The following CDC45 variants were observed in gnomAD, a reference collection of about 807,000 sequenced individuals.
The protein encoded by CDC45 is cell division cycle 45, also known as cell division control protein 45 homolog.
A neutral mutation model predicts 77.8 loss-of-function variants in CDC45; 54 were observed. The observed-to-expected ratio is 0.69, with a 90% confidence interval of 0.56 to 0.87. CDC45 has a LOEUF of 0.87. Among genes scored for constraint, CDC45 ranks in the 40% least tolerant of loss-of-function variants. The probability of loss-of-function intolerance (pLI) is 0.00; values close to 1 mark genes in which losing one functional copy is unlikely to be tolerated. For missense variants in CDC45, 649 were observed against 721.6 expected (o/e 0.90, Z 1.15); for synonymous variants, 260 against 272.1 (o/e 0.96, Z 0.44).
At chr22:19,500,668 T>C (rs933307548) in intron 9 of CDC45, among the ~76,000 whole-genome samples, 2 of 152,062 alleles carry the variant, frequency 1.3e-5, no homozygotes, top group Admixed American at 6.6e-5. Flanking sequence ...ACATCCCCCT[T>C]GCCCCACCAA....
chr22:19,513,166 G>A (rs1487910013), intron 13 of CDC45, among the ~76,000 whole-genome samples: 1 of 152,192 alleles, frequency 6.6e-6, no homozygotes, highest in Admixed American at 6.5e-5. Flanking sequence ...TCAACATGAG[G>A]TTTTGAGGGG....
intron 4 of CDC45, 79 bp downstream of exon 4, chr22:19,482,906 G>T: frequency 1.5e-6 from 2 of 1,338,238 alleles, no homozygotes; most frequent in Non-Finnish European, 1.1e-6. Context: ...TCTTGGTAAG[G>T]TGTGTGTCTG....
At chr22:19,512,474 T>C (rs1389612911) in intron 13 of CDC45, among the ~76,000 whole-genome samples, 1 of 152,218 alleles carries the variant, frequency 6.6e-6, no homozygotes, top group Non-Finnish European at 1.5e-5. Flanking sequence ...TTGTTGCAAA[T>C]GTGGGTCCTA....
intron 7 of CDC45, 108 bp downstream of exon 7, chr22:19,496,137 A>G: frequency 1.3e-6 from 1 of 791,618 alleles, no homozygotes. Context: ...CCTGGTTTGA[A>G]TCTGAGCTCC....
intron 7 of CDC45, 131 bp from the exon 8 acceptor site, chr22:19,497,255 C>T (rs2090259045): frequency 1.2e-5 from 9 of 753,504 alleles, no homozygotes; most frequent in Non-Finnish European, 2.1e-5. Context: ...CACCCACATG[C>T]CCTGGCCAGG....
rs529765997 is a variant in CDC45, at chr22:19,483,004, C to T, written c.342+177C>T. 5.3e-5 allele frequency among the ~76,000 whole-genome samples: 8 copies of T among 150,668 alleles called. No individual in the cohort carries two copies. In the South Asian group the frequency reaches 1.7e-3, roughly 32 times the overall value. Reference sequence around the variant, plus strand: ...TTTTTTTTAAGGAGAGTCTGGAGTACACTGGCACAATCATGGCTCACTGCA... The same window carrying T: ...TTTTTTTTAAGGAGAGTCTGGAGTATACTGGCACAATCATGGCTCACTGCA... On this transcript the variant is annotated intron_variant, in intron 4 of 18. Coordinates refer to ENST00000263201, the MANE Select transcript of CDC45 (RefSeq NM_003504.5).
At chr22:19,510,313 A>G (rs1365908449) in intron 13 of CDC45, among the ~76,000 whole-genome samples, 1 of 152,066 alleles carries the variant, frequency 6.6e-6, no homozygotes, top group Admixed American at 6.6e-5. Flanking sequence ...TGCAGCAATC[A>G]CCACTATCTA....
At chr22:19,517,652 C>A (rs1037053275) in intron 17 of CDC45, among the ~76,000 whole-genome samples, 1 of 152,140 alleles carries the variant, frequency 6.6e-6, no homozygotes, top group Non-Finnish European at 1.5e-5. Flanking sequence ...TCTCCTCAGG[C>A]CTCTCTCCTT....
At chr22:19,507,004 C>T (rs1006228734) in intron 10 of CDC45, among the ~76,000 whole-genome samples, 7 of 152,038 alleles carry the variant, frequency 4.6e-5, no homozygotes, top group East Asian at 1.9e-4. Flanking sequence ...GAGGGCTCTC[C>T]GGAGGAATGG....
At chr22:19,480,093 C>A in intron 1 of CDC45, 65 bp from the exon 2 acceptor site, 3 of 1,611,972 alleles carry the variant, frequency 1.9e-6, no homozygotes, top group Admixed American at 3.3e-5. Context: ...CCGTGGGTGA[C>A]CGGGAGGCAG....
chr22:19,495,871 T>C (rs1041802127), intron 6 of CDC45, 110 bp from the exon 7 acceptor site: 10 of 782,918 alleles, frequency 1.3e-5, no homozygotes, highest in Admixed American at 7.7e-5. Flanking sequence ...AATAGTACCA[T>C]GATTTAATTT....
At chr22:19,519,720 A>G (rs557138430) in intron 18 of CDC45, among the ~76,000 whole-genome samples, 1 of 152,226 alleles carries the variant, frequency 6.6e-6, no homozygotes, top group Admixed American at 6.5e-5. Context: ...CCATCTGTCC[A>G]TCCCTCCAGG....
intron 13 of CDC45, 49 bp from the exon 14 acceptor site, chr22:19,514,700 A>G: frequency 2.7e-6 from 4 of 1,496,636 alleles, no homozygotes; most frequent in Non-Finnish European, 3.6e-6. Flanking sequence ...GTATTTTACC[A>G]AGAGTTCCTG....
At chr22:19,514,534 C>T (rs1933674240) in intron 13 of CDC45, among the ~76,000 whole-genome samples, 1 of 152,190 alleles carries the variant, frequency 6.6e-6, no homozygotes, top group Non-Finnish European at 1.5e-5. Flanking sequence ...CTGATACTTG[C>T]ACCCGCTCCA....
chr22:19,497,285 G>T (rs113866129), intron 7 of CDC45, 101 bp from the exon 8 acceptor site: 8 of 1,018,192 alleles, frequency 7.9e-6, no homozygotes, highest in African/African-American at 7.9e-5. Flanking sequence ...CATCCGCAGG[G>T]GTTTGCCAGG....
In CDC45 at chr22:19,516,590, G is replaced by A. The variant is rs139956849; in HGVS notation, c.1504G>A (p.Gly502Ser). Reference protein sequence around the residue: ...VMAAPLSMEHGTVTVVGIPPE... With the variant: ...VMAAPLSMEHSTVTVVGIPPE... ...GGCTGCCCCCCTGAGCATGGAGCAT[G>A]GCACAGTGACCGTGGTGGGCATCCC... Residue 502 changes from glycine to serine, a missense_variant, in exon 16 of 19, where the codon GGC becomes AGC. Gly to Ser is a moderately conservative substitution (Grantham distance 56). Transcript: ENST00000263201. 312 of 1,614,080 alleles carry A rather than the reference G, an allele frequency of 1.9e-4. 2 individuals carry two copies. The highest frequency in any genetic ancestry group is 1.0e-3 in the South Asian group (91 of 91,086).
chr22:19,516,508 G>A lies in CDC45; in HGVS notation c.1441-19G>A, dbSNP rs1353340350. The A allele has an allele frequency of 1.9e-6, 3 of 1,601,252 alleles. No homozygotes were observed. The highest frequency in any genetic ancestry group is 1.1e-5 in the South Asian group (1 of 90,768). On this transcript the variant is annotated intron_variant, in intron 15 of 18. Coordinates refer to ENST00000263201, the MANE Select transcript of CDC45 (RefSeq NM_003504.5). ...GGGGCCCACCATACCCTGACGGAGG[G>A]TGCTCTCCGACTCCATAGACAAAGA...
chr22:19,517,887 T>A (rs1290281307), intron 17 of CDC45, among the ~76,000 whole-genome samples: 3 of 152,232 alleles, frequency 2.0e-5, no homozygotes, highest in African/African-American at 7.2e-5. Flanking sequence ...GTTCAGCTCA[T>A]AACACCCTCA....
chr22:19,510,143 G>A (rs1277730066), intron 13 of CDC45, among the ~76,000 whole-genome samples: 1 of 151,868 alleles, frequency 6.6e-6, no homozygotes, highest in Non-Finnish European at 1.5e-5. Context: ...AAAAATTTTT[G>A]TAAAGATGTA....
Sources: allele counts gnomAD v4.1 joint callset (sites outside exome capture counted in the v4.1 genomes callset), GRCh38; gene constraint gnomAD v4.1.1; transcripts MANE v1.5; gene names NCBI Gene and HGNC (gene_info 2026-07-23, HGNC 2026-07-21).